The following CNOT2 variants were observed in gnomAD, a reference collection of about 807,000 sequenced individuals.
The protein encoded by CNOT2 is CCR4-NOT transcription complex subunit 2, also known as CC chemokine receptor 4-negative regulator of transcription 2.
A neutral mutation model predicts 72.1 loss-of-function variants in CNOT2; 7 were observed. The observed-to-expected ratio is 0.10, with a 90% CI of 0.06 to 0.18. The LOEUF (loss-of-function observed/expected upper bound fraction) is 0.18. Among genes scored for constraint, CNOT2 ranks in the 10% least tolerant of loss-of-function variants. The pLI is 1.00. For missense variants in CNOT2, 345 were observed against 660.3 expected, an observed-to-expected ratio of 0.52 and a Z score of 5.23; for synonymous variants, 196 against 225.6, an observed-to-expected ratio of 0.87 and a Z score of 1.17.
chr12:70,327,241 A>G (rs532474258), intron 4 of CNOT2, among the ~76,000 whole-genome samples: 5 of 152,026 alleles, frequency 3.3e-5, no homozygotes, highest in Admixed American at 6.6e-5. Flanking sequence ...ACAAGAAGAA[A>G]GAAAACTGAT....
At chr12:70,298,933 A>G (rs1452676882) in intron 2 of CNOT2, among the ~76,000 whole-genome samples, 2 of 152,220 alleles carry the variant, frequency 1.3e-5, no homozygotes, top group African/African-American at 2.4e-5. Context: ...GTGGGAGAGT[A>G]GAATTGAGGG....
chr12:70,335,502 G>C lies in CNOT2; in HGVS notation c.714G>C (p.Arg238Ser). The part of the protein sequence containing the change: ...SDFPALADRN[R>S]REGSGNPTPL... ...TCCCAGCATTAGCAGACCGAAACAGGAGGGAAGGAAGTGGTAACCCAACTC... is the reference window on the plus strand; with the variant it reads ...TCCCAGCATTAGCAGACCGAAACAGCAGGGAAGGAAGTGGTAACCCAACTC... Residue 238 changes from arginine to serine, a missense_variant, in exon 8 of 16, where the codon AGG becomes AGC. Coordinates refer to ENST00000229195, the MANE Select transcript of CNOT2 (RefSeq NM_014515.7). The C allele has an allele frequency of 6.2e-7, 1 of 1,606,788 alleles. No homozygotes were observed. Among genetic ancestry groups the C allele is most frequent in the Non-Finnish European group, 8.5e-7 (1 of 1,173,650 alleles).
At chr12:70,255,918 C>G (rs1221847999) in intron 1 of CNOT2, among the ~76,000 whole-genome samples, 1 of 152,068 alleles carries the variant, frequency 6.6e-6, no homozygotes, top group Non-Finnish European at 1.5e-5. Context: ...AGATATGCCC[C>G]TTTATAATTT....
intron 1 of CNOT2, among the ~76,000 whole-genome samples, chr12:70,269,848 G>C (rs925630814): frequency 6.6e-6 from 1 of 152,170 alleles, no homozygotes; most frequent in Non-Finnish European, 1.5e-5. Context: ...ACCTGGTTAA[G>C]AATTCTGTCT....
chr12:70,270,896 A>T (rs962048209), intron 1 of CNOT2, among the ~76,000 whole-genome samples: 11 of 151,946 alleles, frequency 7.2e-5, no homozygotes, highest in African/African-American at 2.4e-4. Flanking sequence ...AATGAAAAGC[A>T]CGGTGAATGG....
chr12:70,264,677 T>G (rs1008114179), intron 1 of CNOT2, among the ~76,000 whole-genome samples: 4 of 152,108 alleles, frequency 2.6e-5, no homozygotes, highest in African/African-American at 7.2e-5. Context: ...GGAGAGATAC[T>G]CTAACCCTTG....
chr12:70,247,056 C>T (rs1957909874), intron 1 of CNOT2, among the ~76,000 whole-genome samples: 1 of 152,020 alleles, frequency 6.6e-6, no homozygotes, highest in Admixed American at 6.6e-5. Flanking sequence ...CTTTTCTGGG[C>T]ACTTCAGGGT....
chr12:70,259,289 C>A (rs1958622079), intron 1 of CNOT2, among the ~76,000 whole-genome samples: 1 of 150,376 alleles, frequency 6.6e-6, no homozygotes, highest in South Asian at 2.1e-4. Flanking sequence ...TAGTGTTGAT[C>A]TAGGGTGAGT....
chr12:70,280,460 C>A (rs1235983515), intron 2 of CNOT2, among the ~76,000 whole-genome samples: 1 of 151,968 alleles, frequency 6.6e-6, no homozygotes, highest in Admixed American at 6.6e-5. Context: ...AAAAATTCTA[C>A]TTTGGAGGAA....
rs566075898 is a variant in CNOT2 at position 70,354,191 on chromosome 12, A to G, written c.*276A>G. The G allele has an allele frequency of 2.3e-4, 99 of 435,560 alleles. No homozygotes were observed. Among genetic ancestry groups the G allele is most frequent in the African/African-American group, 1.8e-3 (87 of 49,432 alleles). 27.0% of individuals were successfully genotyped at this position (435,560 alleles called of 1,614,324 possible). On this transcript the variant is annotated 3_prime_UTR_variant, in exon 16 of 16. Transcript: ENST00000229195. ...CCTTTTTTGCCAGCAGACAGACTTG[A>G]GTCTGTAAAGACAAGCAAATACACT...
chr12:70,263,333 G>A (rs151083268), intron 1 of CNOT2, among the ~76,000 whole-genome samples: 207 of 152,020 alleles, frequency 1.4e-3, no homozygotes, highest in Non-Finnish European at 2.1e-3. Context: ...TTACACATAT[G>A]TTGATTCACT....
At chr12:70,299,891 T>A (rs751092430) in intron 2 of CNOT2, among the ~76,000 whole-genome samples, 17 of 152,226 alleles carry the variant, frequency 1.1e-4, no homozygotes, top group Non-Finnish European at 1.6e-4. Flanking sequence ...ACCTGTTGTT[T>A]CCTGACTTTT....
Position 70,332,782 on chromosome 12 carries a change from A to C in CNOT2, c.585A>C (p.Gly195=). 6.2e-7 allele frequency: 1 copy of C among 1,605,408 alleles called. No homozygotes were observed. Among genetic ancestry groups the C allele is most frequent in the Non-Finnish European group, 8.5e-7 (1 of 1,176,110 alleles). ...PFTVNSMSGF[G]MNRNQAFGMN... ...ATGTACCCAGTATGTCTGGATTTGG[A>C]ATGAACAGGAATCAGGCATTTGGAA... Residue 195 remains glycine, a synonymous_variant, in exon 7 of 16, where the codon GGA becomes GGC. Coordinates refer to ENST00000229195, the MANE Select transcript of CNOT2 (RefSeq NM_014515.7).
In CNOT2 at chr12:70,319,302, T is replaced by G; in HGVS notation, c.176T>G (p.Leu59Arg). Residue 59 changes from leucine to arginine, a missense_variant, in exon 4 of 16, where the codon CTG becomes CGG. This residue lies in a region of CNOT2 where 157 missense variants were observed against 235.3 expected (regional missense o/e 0.67). Coordinates refer to ENST00000229195, the MANE Select transcript of CNOT2 (RefSeq NM_014515.7). Reference sequence around the variant, plus strand: ...ATATAATTAATTTGTTTCTAGATGCTGGCATCACCATCTACATCAGGTCAG... The same window carrying G: ...ATATAATTAATTTGTTTCTAGATGCGGGCATCACCATCTACATCAGGTCAG... ...MFPHRSEKDM[L>R]ASPSTSGQLS... 1.2e-6 allele frequency: 2 copies of G among 1,609,294 alleles called. No homozygotes were observed. Among genetic ancestry groups the G allele is most frequent in the Non-Finnish European group, 1.7e-6 (2 of 1,176,742 alleles).
intron 2 of CNOT2, among the ~76,000 whole-genome samples, chr12:70,279,537 C>G (rs1869449581): frequency 1.3e-5 from 2 of 152,164 alleles, no homozygotes; most frequent in African/African-American, 4.8e-5. Flanking sequence ...TGCTAATGAT[C>G]TGTACTCAGG....
chr12:70,272,949 A>G (rs1160315778), intron 1 of CNOT2, among the ~76,000 whole-genome samples: 1 of 152,096 alleles, frequency 6.6e-6, no homozygotes, highest in African/African-American at 2.4e-5. Flanking sequence ...TTCTGTTTCT[A>G]TTGATGATAT....
intron 5 of CNOT2, among the ~76,000 whole-genome samples, chr12:70,329,875 C>T (rs1879666612): frequency 6.6e-6 from 1 of 151,928 alleles, no homozygotes; most frequent in Non-Finnish European, 1.5e-5. Context: ...AAATTCCTCC[C>T]CAGATGATTG....
chr12:70,303,411 G>A (rs1000328739), intron 2 of CNOT2, among the ~76,000 whole-genome samples: 2 of 152,108 alleles, frequency 1.3e-5, no homozygotes, highest in African/African-American at 4.8e-5. Context: ...GGGCAGGCCT[G>A]GTGGTGACAA....
intron 1 of CNOT2, among the ~76,000 whole-genome samples, chr12:70,264,119 C>T (rs1050702838): frequency 1.7e-4 from 26 of 152,160 alleles, no homozygotes; most frequent in African/African-American, 6.0e-4. Context: ...ATAAATTTCT[C>T]CACAGTGAGA....
Sources: gnomAD v4.1 joint callset for allele counts (sites outside exome capture counted in the v4.1 genomes callset) on GRCh38, gnomAD v4.1.1 for gene constraint, gnomAD v4.1.1 regional missense constraint, MANE v1.5 for transcripts, NCBI Gene and HGNC (gene_info 2026-07-23, HGNC 2026-07-21) for gene names.